The following NUP153 variants were observed in gnomAD, a reference collection of about 807,000 sequenced individuals.
The protein encoded by NUP153 is nuclear pore complex protein Nup153.
Under a neutral mutation model 134.6 loss-of-function variants are expected in NUP153, and 27 were observed. The ratio of observed to expected loss-of-function variants is 0.20; its 90% CI spans 0.15 to 0.28. The LOEUF (loss-of-function observed/expected upper bound fraction) is 0.28. Among genes scored for constraint, NUP153 ranks in the 10% least tolerant of loss-of-function variants. NUP153 has a pLI of 1.00. For missense variants in NUP153, 1,821 were observed against 1,731.3 expected (o/e 1.05, Z -0.92); for synonymous variants, 640 against 623.5 (o/e 1.03, Z -0.40).
At chr6:17,689,535 ACTT>A (rs747241785) in intron 1 of NUP153, among the ~76,000 whole-genome samples, 22 of 150,128 alleles carry the variant, frequency 1.5e-4, no homozygotes, top group African/African-American at 2.7e-4. Context: ...TATTACGGTA[ACTT>A]CTTTTTTTTT....
At chr6:17,616,282 T>TGGG (rs3836949) in intron 21 of NUP153, 101 bp from the exon 22 acceptor site, 1 of 332,084 alleles carries the variant, frequency 3.0e-6, no homozygotes, top group Non-Finnish European at 5.4e-6. Flanking sequence ...GGGGGTCGGG[T>TGGG]GGGGGGGGAG....
chr6:17,669,002 G>C lies in NUP153; in HGVS notation c.1041C>G (p.Ile347Met). The change falls in exon 8 of 22, where the codon ATC becomes ATG. Residue 347 changes from isoleucine (I) to methionine (M), a missense_variant. By Grantham distance (10) the Ile-to-Met change is conservative. Transcript: ENST00000262077. Reference protein sequence around the residue: ...NSPLDRSGIDITDFQAKREKV... With the variant: ...NSPLDRSGIDMTDFQAKREKV... Reference sequence around the variant, plus strand: ...TTTCTCTTTTGGCCTGAAAATCTGTGATATCTATCCCACTCCTATCAAGAG... The same window carrying C: ...TTTCTCTTTTGGCCTGAAAATCTGTCATATCTATCCCACTCCTATCAAGAG... 2 of 1,500,456 alleles carry C rather than the reference G, an allele frequency of 1.3e-6. No individual in the cohort carries two copies. Among genetic ancestry groups the C allele is most frequent in the Non-Finnish European group, 1.8e-6 (2 of 1,126,000 alleles). 92.9% of individuals were successfully genotyped at this position (1,500,456 alleles called of 1,614,324 possible). A position where few individuals can be genotyped will look rare whatever the true frequency, so the allele number is the denominator to read the frequency against.
intron 16 of NUP153, among the ~76,000 whole-genome samples, chr6:17,634,408 C>T (rs1449905242): frequency 6.6e-6 from 1 of 151,940 alleles, no homozygotes; most frequent in Non-Finnish European, 1.5e-5. Flanking sequence ...TCCGTATCTC[C>T]ACCCAAAGGG....
chr6:17,652,155 C>A (rs1766530774), intron 11 of NUP153, among the ~76,000 whole-genome samples: 4 of 152,030 alleles, frequency 2.6e-5, no homozygotes, highest in South Asian at 2.1e-4. Flanking sequence ...GCTAACCATA[C>A]CCTCCCTCCC....
chr6:17,632,918 T>G (rs1318616111), intron 16 of NUP153, 74 bp from the exon 17 acceptor site: 11 of 1,091,118 alleles, frequency 1.0e-5, no homozygotes, highest in Non-Finnish European at 1.4e-5. Context: ...GTCAGTATCT[T>G]AATGGCACTG....
chr6:17,667,613 C>G (rs1365486384), intron 8 of NUP153, among the ~76,000 whole-genome samples: 5 of 152,160 alleles, frequency 3.3e-5, no homozygotes, highest in Non-Finnish European at 5.9e-5. Context: ...ACCTGCGAGG[C>G]TGAGGCAGGA....
At chr6:17,644,293 C>A (rs1669794670) in intron 14 of NUP153, among the ~76,000 whole-genome samples, 1 of 152,148 alleles carries the variant, frequency 6.6e-6, no homozygotes, top group Admixed American at 6.6e-5. Context: ...CATGTTTCTG[C>A]CTCTAACATG....
intron 1 of NUP153, among the ~76,000 whole-genome samples, chr6:17,702,431 C>G (rs1189928596): frequency 2.0e-5 from 3 of 152,112 alleles, no homozygotes; most frequent in Non-Finnish European, 4.4e-5. Context: ...TGGCGTGAAC[C>G]CGGGAGGCAG....
rs1379323119 is a variant in NUP153, at chr6:17,626,151, T to C, written c.3558A>G (p.Ala1186=). The C allele has an allele frequency of 6.2e-7, 1 of 1,611,538 alleles. No homozygotes were observed. Residue 1186 remains alanine (A), a synonymous_variant, in exon 19 of 22, where the codon GCA becomes GCG. Transcript: ENST00000262077. ...TGTTCAAGAAACTAAAAACTGGCTT[T>C]GCTGCACCTTGATCTGTAAGACAGA... is the stretch of plus-strand genomic sequence containing the variant. The part of the protein sequence containing the change: ...QTSTTADQGA[A]KPVFSFLNNS...
At chr6:17,696,976 C>T (rs1006327451) in intron 1 of NUP153, among the ~76,000 whole-genome samples, 1 of 151,466 alleles carries the variant, frequency 6.6e-6, no homozygotes, top group African/African-American at 2.4e-5. Context: ...GAGGCTGAGG[C>T]AGGAGAATCA....
intron 11 of NUP153, among the ~76,000 whole-genome samples, chr6:17,652,158 T>C (rs1454785478): frequency 6.6e-6 from 1 of 151,988 alleles, no homozygotes; most frequent in Non-Finnish European, 1.5e-5. Context: ...AACCATACCC[T>C]CCCTCCCCAT....
chr6:17,703,473 T>G (rs908122280), intron 1 of NUP153, among the ~76,000 whole-genome samples: 1 of 152,046 alleles, frequency 6.6e-6, no homozygotes, highest in Non-Finnish European at 1.5e-5. Context: ...CCAGAAACCC[T>G]TGGACACTTA....
intron 1 of NUP153, among the ~76,000 whole-genome samples, chr6:17,689,454 A>C (rs1432373317): frequency 1.3e-5 from 2 of 152,140 alleles, no homozygotes; most frequent in Non-Finnish European, 2.9e-5. Flanking sequence ...CTCAAGAAAC[A>C]ATCTAAAATC....
chr6:17,630,669 T>G (rs889624128), intron 17 of NUP153, among the ~76,000 whole-genome samples: 17 of 117,388 alleles, frequency 1.4e-4, no homozygotes, highest in South Asian at 2.7e-4. Context: ...TCAAAATAAA[T>G]AAAGAAAAGA....
intron 5 of NUP153, among the ~76,000 whole-genome samples, chr6:17,674,693 C>T (rs1334509043): frequency 6.6e-6 from 1 of 152,110 alleles, no homozygotes; most frequent in Non-Finnish European, 1.5e-5. Flanking sequence ...TCGCTTGAAA[C>T]CAGGAGACGG....
chr6:17,690,905 C>T (rs1158113199), intron 1 of NUP153, among the ~76,000 whole-genome samples: 3 of 151,810 alleles, frequency 2.0e-5, no homozygotes, highest in Admixed American at 6.6e-5. Flanking sequence ...TTTGGGAGGC[C>T]GAGGTGGGTG....
chr6:17,701,240 G>C (rs1770045303), intron 1 of NUP153, among the ~76,000 whole-genome samples: 6 of 143,982 alleles, frequency 4.2e-5, no homozygotes, highest in South Asian at 2.2e-4. Flanking sequence ...AAAAAAAAAA[G>C]CTAAATGCGC....
At chr6:17,621,027 A>G (rs996721968) in intron 20 of NUP153, among the ~76,000 whole-genome samples, 2 of 151,706 alleles carry the variant, frequency 1.3e-5, no homozygotes, top group Non-Finnish European at 2.9e-5. Flanking sequence ...AACAAAAACA[A>G]CCAAATAATC....
In NUP153 at chr6:17,628,554, T is replaced by C. The variant is rs1279972748; in HGVS notation, c.3544+101A>G. On this transcript the variant is annotated intron_variant, in intron 18 of 21. Transcript: ENST00000262077. The surrounding 1 kb of genome is among the most constrained non-coding windows in gnomAD (Gnocchi z 5.4). ...CTGTATTTCTCAACTATGTTCAGTG[T>C]AAACCATTAATTGACTTGCTGCATC... 1.8e-6 allele frequency: 1 copy of C among 559,182 alleles called. No homozygotes were observed. Among genetic ancestry groups the C allele is most frequent in the Non-Finnish European group, 2.6e-6 (1 of 381,078 alleles). 34.6% of individuals were successfully genotyped at this position (559,182 alleles called of 1,614,324 possible).
Sources: allele counts gnomAD v4.1 joint callset (sites outside exome capture counted in the v4.1 genomes callset), GRCh38; gene constraint gnomAD v4.1.1; non-coding constraint Gnocchi (gnomAD v3.1); transcripts MANE v1.5; gene names NCBI Gene and HGNC (gene_info 2026-07-23, HGNC 2026-07-21).